The following HSPB7 variants were observed in gnomAD, a reference collection of about 807,000 sequenced individuals.
HSPB7 encodes the protein heat shock protein family B (small) member 7.
A neutral mutation model predicts 11.0 loss-of-function variants in HSPB7; 9 were observed. The ratio of observed to expected loss-of-function variants is 0.82; its 90% CI spans 0.49 to 1.43. The LOEUF is 1.43. Ranked by LOEUF, HSPB7 falls within the 40% of genes most tolerant of loss-of-function variation. The probability of loss-of-function intolerance (pLI) is 0.00; values close to 1 mark genes in which losing one functional copy is unlikely to be tolerated. For synonymous variants in HSPB7, 102 were observed against 101.6 expected, an observed-to-expected ratio of 1.00 and a Z score of -0.02; for missense variants, 246 against 243.9, an observed-to-expected ratio of 1.01 and a Z score of -0.06.
At position 16,015,801 on chromosome 1, in the gene HSPB7, T is replaced by C. The variant is rs777365756; in HGVS notation, c.334-42A>G. On this transcript the variant is annotated intron_variant, in intron 2 of 2. Transcript: ENST00000311890. The surrounding 1 kb of genome is among the most constrained non-coding windows in gnomAD (Gnocchi z 4.9). ...CCGTCAGGCAGGCTGCCCCGACCCC[T>C]GTCCTGCTTGTGACAAGCCAGAGCC... 4 of 1,515,494 alleles carry C rather than the reference T, an allele frequency of 2.6e-6. No homozygotes were observed. Among genetic ancestry groups the C allele is most frequent in the Non-Finnish European group, 3.5e-6 (4 of 1,128,400 alleles). The allele number at this position is 1,515,494 out of a possible 1,614,324, so 93.9% of individuals were successfully genotyped here.
At chr1:16,018,966 C>T (rs190890492), upstream of HSPB7, 687 of 1,009,176 alleles carry the variant, frequency 6.8e-4, 3 homozygotes, top group African/African-American at 0.01. Flanking sequence ...GGGCGGGGCT[C>T]GCAGTTGCGT....
chr1:16,019,270 C>T (rs1251438381), upstream of HSPB7: 7 of 1,493,164 alleles, frequency 4.7e-6, no homozygotes, highest in South Asian at 2.4e-5. Flanking sequence ...GCCTCCTCCC[C>T]CAGGGAGGCC....
upstream of HSPB7, chr1:16,018,298 C>T (rs2021921976): frequency 3.0e-6 from 4 of 1,312,648 alleles, no homozygotes; most frequent in Admixed American, 6.2e-5. Flanking sequence ...CTCCTTGCCA[C>T]TCGGACCTCG....
Position 16,015,419 on chromosome 1 carries a change from A to C in HSPB7, c.*161T>G. 7 of 624,888 alleles carry C rather than the reference A, an allele frequency of 1.1e-5. No homozygotes were observed. Among genetic ancestry groups the C allele is most frequent in the East Asian group, 2.9e-5 (1 of 34,720 alleles). The allele number at this position is 624,888 out of a possible 1,614,324, so 38.7% of individuals were successfully genotyped here. A position where few individuals can be genotyped will look rare whatever the true frequency, so the allele number is the denominator to read the frequency against. On this transcript the variant is annotated 3_prime_UTR_variant, in exon 3 of 3. Transcript: ENST00000311890. The surrounding 1 kb of genome is among the most constrained non-coding windows in gnomAD (Gnocchi z 4.9). ...AGGGAGTCCCTGGCCTGCCCTGGAT[A>C]GAGTGGAGGGCCCTAGTTTGGGAGG...
Position 16,016,529 on chromosome 1 carries a change from G to A in HSPB7, c.333+545C>T, listed in dbSNP as rs561683517. On this transcript the variant is annotated intron_variant, in intron 2 of 2. Transcript: ENST00000311890. ...GGGCGGGCGCTGTGTGTGGTTTGGA[G>A]TGTGTGTGACCCGAAACTGCAGGGC... 8.5e-5 allele frequency among the ~76,000 whole-genome samples: 13 copies of A among 152,320 alleles called. No individual in the cohort carries two copies. In the South Asian group the frequency reaches 2.7e-3, roughly 32 times the overall value.
chr1:16,017,740 T>G (rs1339595995), intron 1 of HSPB7, 25 bp downstream of exon 1: 1 of 1,541,704 alleles, frequency 6.5e-7, no homozygotes, highest in Non-Finnish European at 8.8e-7. Context: ...GCACCTCCCC[T>G]CCCCTCAGGG....
At chr1:16,019,118 C>G, upstream of HSPB7, 1 of 1,535,420 alleles carries the variant, frequency 6.5e-7, no homozygotes, top group Non-Finnish European at 8.8e-7. Flanking sequence ...GCTTGCTCAG[C>G]AAAGCTGGGA....
Position 16,017,975 on chromosome 1 carries a change from G to T in HSPB7, c.-12C>A, listed in dbSNP as rs77035609. On this transcript the variant is annotated 5_prime_UTR_variant, in exon 1 of 3. Transcript: ENST00000311890. Reference sequence around the variant, plus strand: ...GTTCTGTGGCTCATCCACGGACGGCGCCGGGCCCTGCCCAGGCGGGCGAGG... The same window carrying T: ...GTTCTGTGGCTCATCCACGGACGGCTCCGGGCCCTGCCCAGGCGGGCGAGG... 1 of 1,612,788 alleles carries T rather than the reference G, an allele frequency of 6.2e-7. No individual in the cohort carries two copies. The highest frequency in any genetic ancestry group is 8.5e-7 in the Non-Finnish European group (1 of 1,179,684).
chr1:16,018,754 C>T (rs543010826), upstream of HSPB7: 237 of 1,063,808 alleles, frequency 2.2e-4, no homozygotes, highest in Non-Finnish European at 2.5e-4. Context: ...GTGATGCCTG[C>T]GAGCGCCTTA....
Position 16,018,015 on chromosome 1 carries a change from G to A in HSPB7, c.-52C>T, listed in dbSNP as rs777013917. On this transcript the variant is annotated 5_prime_UTR_variant, in exon 1 of 3. Transcript: ENST00000311890. ...GGCGGGCGAGGGCTGGACAGGAGAGGGTGTGGGCGCAGGCCTCTGGGCGAG... is the reference window on the plus strand; with the variant it reads ...GGCGGGCGAGGGCTGGACAGGAGAGAGTGTGGGCGCAGGCCTCTGGGCGAG... 6.2e-7 allele frequency: 1 copy of A among 1,611,606 alleles called. No homozygotes were observed. Among genetic ancestry groups the A allele is most frequent in the Non-Finnish European group, 8.5e-7 (1 of 1,179,224 alleles).
rs77577644 is a variant in HSPB7 at position 16,015,155 on chromosome 1, C to T, written c.*425G>A. On this transcript the variant is annotated 3_prime_UTR_variant, in exon 3 of 3. Transcript: ENST00000311890. The surrounding 1 kb of genome is among the most constrained non-coding windows in gnomAD (Gnocchi z 4.9). ...CTTGCCTGTGACCTTCCCTCTGTCC[C>T]TCCCACTCCCCTTGGCCAAGAGGGT... is the stretch of plus-strand genomic sequence containing the variant. The T allele has an allele frequency of 0.048, 7,853 of 161,918 alleles. 264 individuals are homozygous for T. Among genetic ancestry groups the T allele is most frequent in the Non-Finnish European group, 0.073 (5,374 of 73,650 alleles). The allele number at this position is 161,918 out of a possible 1,614,324, so 10.0% of individuals were successfully genotyped here. A position where few individuals can be genotyped will look rare whatever the true frequency, so the allele number is the denominator to read the frequency against.
chr1:16,016,165 G>A (rs987565852), intron 2 of HSPB7, among the ~76,000 whole-genome samples: 2 of 152,248 alleles, frequency 1.3e-5, no homozygotes, highest in African/African-American at 4.8e-5. Flanking sequence ...CCGCAACTCA[G>A]CCAGCACATA....
rs200026292 is a variant in HSPB7, at chr1:16,017,787, G to T, written c.177C>A (p.His59Gln). 7.5e-6 allele frequency: 12 copies of T among 1,609,198 alleles called. No individual in the cohort carries two copies. The Admixed American group carries it at 1.5e-4, about 20-fold the overall frequency. ...TGCCTGGGAAGGCCAGGGGCTCCGA[G>T]TGGGGCCGCATGAAGCTGCCAAAGT... ...SDDFGSFMRP[H>Q]SEPLAFPARP... Residue 59 changes from histidine (H) to glutamine (Q), a missense_variant, in exon 1 of 3, where the codon CAC becomes CAA. By Grantham distance (24) the His-to-Gln change is conservative. Transcript: ENST00000311890.
chr1:16,018,360 C>T (rs549204548), upstream of HSPB7: 16 of 1,203,504 alleles, frequency 1.3e-5, no homozygotes, highest in African/African-American at 2.4e-4. Context: ...GTTTTGTTTC[C>T]CCCGTCAGCC....
At chr1:16,018,664 G>C, upstream of HSPB7, 1 of 1,026,474 alleles carries the variant, frequency 9.7e-7, no homozygotes, top group African/African-American at 1.7e-5. Flanking sequence ...AGCCCCAAGA[G>C]GACAAAGTTG....
Position 16,015,417 on chromosome 1 carries a change from A to C in HSPB7, c.*163T>G. The C allele has an allele frequency of 4.8e-6, 3 of 630,678 alleles. No homozygotes were observed. The highest frequency in any genetic ancestry group is 8.3e-6 in the Non-Finnish European group (3 of 360,868). 39.1% of individuals were successfully genotyped at this position (630,678 alleles called of 1,614,324 possible). The stretch of plus-strand genomic sequence containing the variant: ...CCAGGGAGTCCCTGGCCTGCCCTGG[A>C]TAGAGTGGAGGGCCCTAGTTTGGGA... On this transcript the variant is annotated 3_prime_UTR_variant, in exon 3 of 3. Coordinates refer to ENST00000311890, the MANE Select transcript of HSPB7 (RefSeq NM_014424.5). This position sits in a 1 kb window ranked among gnomAD's most constrained non-coding sequence, Gnocchi z 4.9.
chr1:16,018,080 T>G (rs775756232), upstream of HSPB7: 5 of 1,578,334 alleles, frequency 3.2e-6, no homozygotes, highest in Non-Finnish European at 3.4e-6. Context: ...TAAGGCCGAC[T>G]GTCCCTGGGC....
In HSPB7 at chr1:16,015,979, G is replaced by A. The variant is rs1279669225; in HGVS notation, c.334-220C>T. On this transcript the variant is annotated intron_variant, in intron 2 of 2. Coordinates refer to ENST00000311890, the MANE Select transcript of HSPB7 (RefSeq NM_014424.5). The surrounding 1 kb of genome is among the most constrained non-coding windows in gnomAD (Gnocchi z 4.9). The stretch of plus-strand genomic sequence containing the variant: ...TTCGCAGAGCTCCAGTAGCTCCAAG[G>A]AACAGGCCAGGGACATGGGGAAGAG... Among the ~76,000 whole-genome samples, 1 of 152,220 alleles carries A rather than the reference G, an allele frequency of 6.6e-6. No individual in the cohort carries two copies. Among genetic ancestry groups the A allele is most frequent in the Non-Finnish European group, 1.5e-5 (1 of 68,022 alleles).
At position 16,017,062 on chromosome 1, in the gene HSPB7, TG is replaced by T. The variant is rs1260994811; in HGVS notation, c.333+11del. The T allele has an allele frequency of 1.3e-6, 2 of 1,598,942 alleles. No individual in the cohort carries two copies. The highest frequency in any genetic ancestry group is 1.7e-6 in the Non-Finnish European group (2 of 1,168,210). On this transcript the variant is annotated intron_variant, in intron 2 of 2. Transcript: ENST00000311890. The stretch of plus-strand genomic sequence containing the variant: ...AATTTGGGATGCGGTGAGTAGGGGG[TG>T]GGGGGCTCACCTTCTCAGCCCGCAC...
Sources: allele counts gnomAD v4.1 joint callset (sites outside exome capture counted in the v4.1 genomes callset), GRCh38; gene constraint gnomAD v4.1.1; non-coding constraint Gnocchi (gnomAD v3.1); transcripts MANE v1.5; gene names NCBI Gene and HGNC (gene_info 2026-07-23, HGNC 2026-07-21).